LEKR1: variants seen among roughly 807,000 people sequenced by gnomAD.
The protein encoded by LEKR1 is protein LEKR1.
LEKR1 carries 59 observed loss-of-function variants against 72.4 expected under a neutral mutation model. That is an observed-to-expected ratio of 0.82 (90% CI 0.66 to 1.01). LEKR1 has a LOEUF of 1.01. Ranked by LOEUF, LEKR1 falls within the 50% of genes least tolerant of loss-of-function variation. The pLI is 0.00. For synonymous variants in LEKR1, 257 were observed against 263.2 expected (o/e 0.98, Z 0.23); for missense variants, 728 against 759.2 (o/e 0.96, Z 0.48).
intron 2 of LEKR1, among the ~76,000 whole-genome samples, chr3:156,843,824 G>GAT (rs141782156): frequency 8.6e-4 from 131 of 151,802 alleles, no homozygotes; most frequent in Non-Finnish European, 1.2e-3. Context: ...GGAAAGTTGT[G>GAT]ATGTGTGTGT....
At chr3:157,036,865 C>G (rs35959193) in intron 12 of LEKR1, among the ~76,000 whole-genome samples, 4,292 of 152,232 alleles carry the variant, frequency 0.028, 65 homozygotes, top group Middle Eastern at 0.085. Flanking sequence ...GATATTTACA[C>G]TTCTGTAAGT....
At chr3:156,884,871 G>GT (rs1483735457) in intron 3 of LEKR1, among the ~76,000 whole-genome samples, 1 of 152,200 alleles carries the variant, frequency 6.6e-6, no homozygotes, top group East Asian at 1.9e-4. Flanking sequence ...CCTCAAAGAA[G>GT]TTTTCCAAAG....
intron 3 of LEKR1, among the ~76,000 whole-genome samples, chr3:156,868,258 T>A (rs1717530156): frequency 6.6e-6 from 1 of 152,122 alleles, no homozygotes; most frequent in Admixed American, 6.6e-5. Flanking sequence ...TGGTTTCACG[T>A]AGTTGGAAAG....
intron 10 of LEKR1, among the ~76,000 whole-genome samples, chr3:157,024,192 G>A (rs1734037862): frequency 6.6e-6 from 1 of 152,136 alleles, no homozygotes; most frequent in Admixed American, 6.6e-5. Context: ...TTATAAAATC[G>A]AAAAATCATA....
At chr3:156,964,715 C>G (rs1366278619) in intron 6 of LEKR1, among the ~76,000 whole-genome samples, 5 of 152,066 alleles carry the variant, frequency 3.3e-5, no homozygotes, top group African/African-American at 4.8e-5. Flanking sequence ...CACTCCATCT[C>G]CTTCAGTTTT....
intron 10 of LEKR1, among the ~76,000 whole-genome samples, chr3:157,019,150 C>A (rs952476142): frequency 5.9e-5 from 9 of 151,942 alleles, no homozygotes; most frequent in Non-Finnish European, 1.3e-4. Context: ...CAAATATAAG[C>A]AAATTATTTG....
intron 9 of LEKR1, among the ~76,000 whole-genome samples, chr3:157,003,386 C>A (rs1732164179): frequency 6.6e-6 from 1 of 152,166 alleles, no homozygotes; most frequent in South Asian, 2.1e-4. Context: ...CAAATGACCA[C>A]AAATTTAGTG....
chr3:156,841,082 T>G (rs536875840), intron 2 of LEKR1, among the ~76,000 whole-genome samples: 102 of 152,340 alleles, frequency 6.7e-4, no homozygotes, highest in African/African-American at 2.5e-3. Flanking sequence ...TGTGATTTAG[T>G]GCCATGTAAG....
intron 2 of LEKR1, 145 bp downstream of exon 2, chr3:156,829,522 A>G: frequency 1.8e-6 from 1 of 553,920 alleles, no homozygotes; most frequent in Non-Finnish European, 3.2e-6. Context: ...TTATTATCAT[A>G]ATGAGCAGAA....
intron 3 of LEKR1, among the ~76,000 whole-genome samples, chr3:156,886,449 C>T (rs1162590340): frequency 1.3e-5 from 2 of 152,168 alleles, no homozygotes; most frequent in African/African-American, 2.4e-5. Flanking sequence ...GCAGCTCCCC[C>T]TTGTCCCCTG....
intron 2 of LEKR1, among the ~76,000 whole-genome samples, chr3:156,836,405 G>GA (rs1049349217): frequency 1.4e-5 from 2 of 147,956 alleles, no homozygotes; most frequent in African/African-American, 2.5e-5. Context: ...CAACCAAGAA[G>GA]AAAAAAAAAG....
intron 10 of LEKR1, among the ~76,000 whole-genome samples, chr3:157,015,817 T>C (rs1733267854): frequency 6.6e-6 from 1 of 152,086 alleles, no homozygotes; most frequent in Non-Finnish European, 1.5e-5. Flanking sequence ...GTATTCCATA[T>C]ACCCAGAAGC....
intron 4 of LEKR1, chr3:156,924,538 T>C: frequency 1.5e-6 from 1 of 672,602 alleles, no homozygotes. Context: ...TCTAAGCCGG[T>C]CAGAAGGATT....
chr3:156,935,848 T>G lies in LEKR1; in HGVS notation c.560-6681T>G, dbSNP rs988869194. On this transcript the variant is annotated intron_variant, in intron 5 of 12. Coordinates refer to ENST00000356539, the MANE Select transcript of LEKR1 (RefSeq NM_001004316.3). ...AAAATTAATTTTGTGTGTTCTGATA[T>G]TTTTAATATGGCTACTGGAAATTTA... is the stretch of plus-strand genomic sequence containing the variant. 2.1e-4 allele frequency among the ~76,000 whole-genome samples: 32 copies of G among 152,340 alleles called. 1 individual carries two copies. Among genetic ancestry groups the G allele is most frequent in the African/African-American group, 7.5e-4 (31 of 41,588 alleles).
At chr3:156,935,912 G>A (rs943683467) in intron 5 of LEKR1, among the ~76,000 whole-genome samples, 3 of 151,876 alleles carry the variant, frequency 2.0e-5, no homozygotes, top group African/African-American at 7.3e-5. Context: ...TATTTCTATT[G>A]GATATGACTA....
At chr3:157,027,211 G>T (rs554505353) in intron 11 of LEKR1, among the ~76,000 whole-genome samples, 12 of 150,652 alleles carry the variant, frequency 8.0e-5, no homozygotes, top group African/African-American at 2.9e-4. Context: ...AGAGTCAGTT[G>T]TTAAACATTT....
At chr3:156,884,677 G>T (rs546862185) in intron 3 of LEKR1, among the ~76,000 whole-genome samples, 16 of 152,158 alleles carry the variant, frequency 1.1e-4, no homozygotes, top group African/African-American at 3.9e-4. Context: ...TTCTTTATAG[G>T]TTATCTGATG....
At chr3:156,945,593 T>C (rs1364432501) in intron 6 of LEKR1, among the ~76,000 whole-genome samples, 1 of 151,824 alleles carries the variant, frequency 6.6e-6, no homozygotes, top group African/African-American at 2.4e-5. Flanking sequence ...GGTCTTAGAT[T>C]TAAATATTTA....
At chr3:157,030,560 A>G (rs1196128426) in intron 12 of LEKR1, among the ~76,000 whole-genome samples, 1 of 152,240 alleles carries the variant, frequency 6.6e-6, no homozygotes, top group Non-Finnish European at 1.5e-5. Flanking sequence ...GAACATTTGC[A>G]TGAAGAGCCT....
Sources: gnomAD v4.1 joint callset for allele counts (sites outside exome capture counted in the v4.1 genomes callset) on GRCh38, gnomAD v4.1.1 for gene constraint, MANE v1.5 for transcripts, NCBI Gene and HGNC (gene_info 2026-07-23, HGNC 2026-07-21) for gene names.